Variants in IMMP2L observed in about 807,000 individuals in gnomAD.
IMMP2L encodes inner mitochondrial membrane peptidase subunit 2, also known as mitochondrial inner membrane protease subunit 2.
A neutral mutation model predicts 19.3 loss-of-function variants in IMMP2L; 18 were observed. That is an observed-to-expected ratio of 0.93 (90% CI 0.64 to 1.38). IMMP2L has a LOEUF of 1.38. Ranked by LOEUF, IMMP2L falls within the 40% of genes most tolerant of loss-of-function variation. The pLI is 0.00. For missense variants in IMMP2L, 233 were observed against 218.2 expected (o/e 1.07, Z -0.43); for synonymous variants, 76 against 73.0 (o/e 1.04, Z -0.21).
chr7:111,429,589 T>G (rs1563181064), intron 3 of IMMP2L, among the ~76,000 whole-genome samples: 1 of 151,840 alleles, frequency 6.6e-6, no homozygotes, highest in Non-Finnish European at 1.5e-5. Context: ...TGATTTCATA[T>G]TTATGAAATA....
chr7:110,998,436 G>C (rs2129560751), intron 3 of IMMP2L, among the ~76,000 whole-genome samples: 1 of 152,256 alleles, frequency 6.6e-6, no homozygotes, highest in African/African-American at 2.4e-5. Context: ...TCTAGCACAA[G>C]GCAGATGATT....
chr7:111,273,507 G>A (rs17539439), intron 3 of IMMP2L, among the ~76,000 whole-genome samples: 6,512 of 152,070 alleles, frequency 0.043, 209 homozygotes, highest in South Asian at 0.082. Flanking sequence ...GGAAGTGGCC[G>A]GATATAGAAC....
At chr7:111,551,497 T>G (rs1405076509) in intron 1 of IMMP2L, among the ~76,000 whole-genome samples, 1 of 36,620 alleles carries the variant, frequency 2.7e-5, no homozygotes, top group Admixed American at 2.7e-4. Flanking sequence ...CTGTTAGAGG[T>G]GTGTGTGTGT....
At chr7:110,768,914 G>GT (rs1798851664) in intron 5 of IMMP2L, among the ~76,000 whole-genome samples, 1 of 152,172 alleles carries the variant, frequency 6.6e-6, no homozygotes, top group Non-Finnish European at 1.5e-5. Flanking sequence ...AAATGAAGGA[G>GT]TTTTTTAAAA....
chr7:110,994,611 T>G (rs554090290), intron 3 of IMMP2L, among the ~76,000 whole-genome samples: 11 of 152,266 alleles, frequency 7.2e-5, no homozygotes, highest in African/African-American at 2.6e-4. Context: ...CTGGACAACC[T>G]TTTGGAACAG....
intron 3 of IMMP2L, among the ~76,000 whole-genome samples, chr7:111,239,312 C>T (rs989330073): frequency 1.6e-4 from 24 of 151,874 alleles, no homozygotes; most frequent in Admixed American, 1.1e-3. Context: ...GCCTCAAAAG[C>T]CAGCATTCCA....
At chr7:111,403,729 T>G (rs368417013) in intron 3 of IMMP2L, among the ~76,000 whole-genome samples, 9 of 152,198 alleles carry the variant, frequency 5.9e-5, no homozygotes, top group African/African-American at 1.9e-4. Context: ...CAATATTTTT[T>G]GGGTTGTAAA....
chr7:111,296,240 A>G (rs532910834), intron 3 of IMMP2L, among the ~76,000 whole-genome samples: 18 of 151,966 alleles, frequency 1.2e-4, no homozygotes, highest in Non-Finnish European at 2.1e-4. Context: ...TTCACAAAAG[A>G]AGATGGTCAA....
intron 5 of IMMP2L, among the ~76,000 whole-genome samples, chr7:110,883,863 T>C (rs1809942968): frequency 6.6e-6 from 1 of 151,850 alleles, no homozygotes; most frequent in African/African-American, 2.4e-5. Flanking sequence ...TAGATAAAAA[T>C]GATAGAAAAA....
intron 5 of IMMP2L, among the ~76,000 whole-genome samples, chr7:110,849,910 T>C (rs1054557543): frequency 6.6e-6 from 1 of 152,094 alleles, no homozygotes; most frequent in African/African-American, 2.4e-5. Flanking sequence ...GATTATGCCA[T>C]ATAAGTGTTC....
At chr7:110,847,799 T>G (rs1805815626) in intron 5 of IMMP2L, among the ~76,000 whole-genome samples, 2 of 152,178 alleles carry the variant, frequency 1.3e-5, no homozygotes, top group South Asian at 4.2e-4. Flanking sequence ...GGTAAGTCAA[T>G]GGAGAAAGCA....
At chr7:110,718,479 T>C (rs986093956) in intron 5 of IMMP2L, among the ~76,000 whole-genome samples, 1 of 152,182 alleles carries the variant, frequency 6.6e-6, no homozygotes, top group Non-Finnish European at 1.5e-5. Context: ...TTTTCTTCGG[T>C]GGCATTCAGT....
chr7:110,843,408 A>C (rs765613803), intron 5 of IMMP2L, among the ~76,000 whole-genome samples: 1 of 152,176 alleles, frequency 6.6e-6, no homozygotes, highest in South Asian at 2.1e-4. Flanking sequence ...GGGGCCAGTC[A>C]GTCAACAAAG....
chr7:111,479,705 C>T (rs1017612301), intron 3 of IMMP2L, among the ~76,000 whole-genome samples: 1 of 151,574 alleles, frequency 6.6e-6, no homozygotes, highest in Admixed American at 6.6e-5. Flanking sequence ...TGTACTTACT[C>T]ATTTTTTTAA....
intron 3 of IMMP2L, among the ~76,000 whole-genome samples, chr7:111,304,669 A>AGTGT (rs1304235836): frequency 3.1e-4 from 19 of 60,594 alleles, no homozygotes; most frequent in East Asian, 8.7e-4. Flanking sequence ...ACACATATAT[A>AGTGT]ATGTGTGTGT....
intron 5 of IMMP2L, among the ~76,000 whole-genome samples, chr7:110,805,511 C>G (rs139124713): frequency 6.6e-6 from 1 of 151,912 alleles, no homozygotes; most frequent in Non-Finnish European, 1.5e-5. Flanking sequence ...TCTTTAAATA[C>G]GTTAAATCTT....
rs1201097614 is a variant in IMMP2L, at chr7:110,870,428, G to A, written c.408+16165C>T. 6.6e-6 allele frequency among the ~76,000 whole-genome samples: 1 copy of A among 152,072 alleles called. No homozygotes were observed. On this transcript the variant is annotated intron_variant, in intron 5 of 5. Coordinates refer to ENST00000405709, the MANE Select transcript of IMMP2L (RefSeq NM_032549.4). The surrounding 1 kb of genome is among the most constrained non-coding windows in gnomAD (Gnocchi z 4.2). Reference sequence around the variant, plus strand: ...CAGCCAGGCACTGTGCTACAGCAGTGAACCAAAAGGACAAGGTTCCTGACC... The same window carrying A: ...CAGCCAGGCACTGTGCTACAGCAGTAAACCAAAAGGACAAGGTTCCTGACC...
intron 3 of IMMP2L, among the ~76,000 whole-genome samples, chr7:111,155,266 T>C (rs954981986): frequency 2.0e-5 from 3 of 152,102 alleles, no homozygotes; most frequent in Non-Finnish European, 4.4e-5. Context: ...ACTTTGGGGC[T>C]GGTAATGCAA....
chr7:110,820,009 CTCTT>C (rs1334875138), intron 5 of IMMP2L, among the ~76,000 whole-genome samples: 9 of 152,054 alleles, frequency 5.9e-5, no homozygotes, highest in African/African-American at 2.2e-4. Flanking sequence ...AATCTAGCAA[CTCTT>C]TATTTCTGGT....
Sources: allele counts gnomAD v4.1 joint callset (sites outside exome capture counted in the v4.1 genomes callset), GRCh38; gene constraint gnomAD v4.1.1; non-coding constraint Gnocchi (gnomAD v3.1); transcripts MANE v1.5; gene names NCBI Gene and HGNC (gene_info 2026-07-23, HGNC 2026-07-21).